Variants in KCNIP4 observed in about 807,000 individuals in gnomAD.
KCNIP4 encodes the protein Kv channel-interacting protein 4.
In KCNIP4, 12 loss-of-function variants were observed where a neutral mutation model predicts 34.0. The ratio of observed to expected loss-of-function variants is 0.35; its 90% CI spans 0.23 to 0.57. The LOEUF (loss-of-function observed/expected upper bound fraction) is 0.57. Among genes scored for constraint, KCNIP4 ranks in the 20% least tolerant of loss-of-function variants. The pLI, the probability that KCNIP4 is intolerant of heterozygous loss-of-function variation, is 0.83. For missense variants in KCNIP4, 238 were observed against 311.7 expected (o/e 0.76, Z 1.78); for synonymous variants, 124 against 102.2 (o/e 1.21, Z -1.29).
intron 1 of KCNIP4, among the ~76,000 whole-genome samples, chr4:21,500,194 C>A (rs550186959): frequency 6.6e-6 from 1 of 152,098 alleles, no homozygotes; most frequent in African/African-American, 2.4e-5. Context: ...ACAATACTAG[C>A]GTTTCGAAAA....
intron 1 of KCNIP4, among the ~76,000 whole-genome samples, chr4:21,254,675 C>G (rs1040915528): frequency 8.5e-5 from 13 of 152,168 alleles, no homozygotes; most frequent in Middle Eastern, 3.2e-3. Flanking sequence ...TCCATTATCT[C>G]TTTTAAGCTT....
At position 21,346,008 on chromosome 4, in the gene KCNIP4, G is replaced by A. The variant is rs533852780; in HGVS notation, c.62-463299C>T. 3.4e-5 allele frequency among the ~76,000 whole-genome samples: 5 copies of A among 147,020 alleles called. No individual in the cohort carries two copies. The East Asian group carries it at 1.0e-3, about 30-fold the overall frequency. On this transcript the variant is annotated intron_variant, in intron 1 of 8. Coordinates refer to ENST00000382152, the MANE Select transcript of KCNIP4 (RefSeq NM_025221.6). The stretch of plus-strand genomic sequence containing the variant: ...GGCTGACACTTTGGAAAGGAATGAT[G>A]AAGTGGAGAGAGGCATCCTGGGTGG...
chr4:21,736,250 C>T (rs1447302666), intron 1 of KCNIP4, among the ~76,000 whole-genome samples: 1 of 152,078 alleles, frequency 6.6e-6, no homozygotes, highest in Admixed American at 6.6e-5. Flanking sequence ...TCCAGCATGG[C>T]CCAGCCCATC....
chr4:20,888,186 C>A (rs1214015176), intron 1 of KCNIP4, among the ~76,000 whole-genome samples: 1 of 151,688 alleles, frequency 6.6e-6, no homozygotes, highest in East Asian at 1.9e-4. Flanking sequence ...AATAGAGGGA[C>A]AAAAAGTAGA....
At chr4:21,942,641 T>C (rs551001732) in intron 1 of KCNIP4, among the ~76,000 whole-genome samples, 59 of 152,370 alleles carry the variant, frequency 3.9e-4, no homozygotes, top group Non-Finnish European at 7.1e-4. Flanking sequence ...TTTCAGCCAA[T>C]GGCTTAACAT....
intron 1 of KCNIP4, among the ~76,000 whole-genome samples, chr4:21,644,386 G>A (rs757922416): frequency 3.9e-5 from 6 of 152,180 alleles, no homozygotes; most frequent in Non-Finnish European, 8.8e-5. Context: ...TAGATTGATG[G>A]GAGGCACAGC....
At chr4:21,334,176 C>G (rs905929526) in intron 1 of KCNIP4, among the ~76,000 whole-genome samples, 1 of 152,000 alleles carries the variant, frequency 6.6e-6, no homozygotes, top group Non-Finnish European at 1.5e-5. Context: ...AGTCTCTCCT[C>G]CACTCTGTGC....
intron 1 of KCNIP4, among the ~76,000 whole-genome samples, chr4:21,395,819 C>T (rs1722939324): frequency 6.6e-6 from 1 of 152,068 alleles, no homozygotes; most frequent in African/African-American, 2.4e-5. Flanking sequence ...TTCAAAACAA[C>T]TATAATGGAT....
At chr4:21,661,751 G>T (rs141555346) in intron 1 of KCNIP4, among the ~76,000 whole-genome samples, 1 of 152,010 alleles carries the variant, frequency 6.6e-6, no homozygotes, top group Admixed American at 6.6e-5. Flanking sequence ...CACTGCCCTC[G>T]ATAGGTTCTT....
chr4:20,874,942 C>T (rs921679236), intron 2 of KCNIP4, among the ~76,000 whole-genome samples: 1 of 151,966 alleles, frequency 6.6e-6, no homozygotes, highest in East Asian at 1.9e-4. Flanking sequence ...CAGTGAAGTA[C>T]CACAAAAGGA....
At chr4:21,132,318 CA>C (rs1751130274) in intron 1 of KCNIP4, among the ~76,000 whole-genome samples, 1 of 152,134 alleles carries the variant, frequency 6.6e-6, no homozygotes, top group African/African-American at 2.4e-5. Flanking sequence ...TGTAATACAC[CA>C]CCCTATAAAT....
At chr4:21,645,398 G>A (rs1176456670) in intron 1 of KCNIP4, among the ~76,000 whole-genome samples, 1 of 151,030 alleles carries the variant, frequency 6.6e-6, no homozygotes, top group Non-Finnish European at 1.5e-5. Flanking sequence ...AATATACATT[G>A]TTATTATTCT....
intron 1 of KCNIP4, among the ~76,000 whole-genome samples, chr4:21,761,701 T>A (rs990445799): frequency 5.3e-5 from 8 of 152,090 alleles, no homozygotes; most frequent in African/African-American, 1.9e-4. Context: ...CAAAATTAAT[T>A]TTTAATTATT....
chr4:21,090,610 G>T (rs1285101545), intron 1 of KCNIP4, among the ~76,000 whole-genome samples: 3 of 152,090 alleles, frequency 2.0e-5, no homozygotes, highest in Non-Finnish European at 4.4e-5. Context: ...TGCATTGTAT[G>T]TTCCTCTCAA....
chr4:21,262,532 T>C lies in KCNIP4; in HGVS notation c.62-379823A>G, dbSNP rs555083447. On this transcript the variant is annotated intron_variant, in intron 1 of 8. Coordinates refer to ENST00000382152, the MANE Select transcript of KCNIP4 (RefSeq NM_025221.6). Reference sequence around the variant, plus strand: ...CTTCATGATGGATTTAGCTCTGCAATTGAAATGTACTTCCCTTACATCTTC... The same window carrying C: ...CTTCATGATGGATTTAGCTCTGCAACTGAAATGTACTTCCCTTACATCTTC... 3.3e-5 allele frequency among the ~76,000 whole-genome samples: 5 copies of C among 152,338 alleles called. No homozygotes were observed. The South Asian group carries it at 1.0e-3, about 32-fold the overall frequency.
At chr4:21,638,447 T>C (rs1746381556) in intron 1 of KCNIP4, among the ~76,000 whole-genome samples, 1 of 152,184 alleles carries the variant, frequency 6.6e-6, no homozygotes, top group Non-Finnish European at 1.5e-5. Flanking sequence ...TAAAACTGTA[T>C]AACCATGAAA....
chr4:20,820,505 A>T (rs574890657), intron 3 of KCNIP4, among the ~76,000 whole-genome samples: 133 of 152,330 alleles, frequency 8.7e-4, no homozygotes, highest in African/African-American at 3.1e-3. Flanking sequence ...AACTCAAAAG[A>T]TTTGGAAAAT....
intron 1 of KCNIP4, among the ~76,000 whole-genome samples, chr4:21,492,311 G>A (rs1007567687): frequency 4.6e-5 from 7 of 152,038 alleles, no homozygotes; most frequent in Admixed American, 6.6e-5. Context: ...CTTGAACTCC[G>A]GGACTCAAGT....
At chr4:20,938,631 C>T (rs1231610572) in intron 1 of KCNIP4, among the ~76,000 whole-genome samples, 1 of 152,162 alleles carries the variant, frequency 6.6e-6, no homozygotes, top group Non-Finnish European at 1.5e-5. Context: ...CTAGACTGAG[C>T]CCCTCACAGC....
Sources: allele counts gnomAD v4.1 joint callset (sites outside exome capture counted in the v4.1 genomes callset), GRCh38; gene constraint gnomAD v4.1.1; transcripts MANE v1.5; gene names NCBI Gene and HGNC (gene_info 2026-07-23, HGNC 2026-07-21).